The following EXT2 variants were observed in gnomAD, a reference collection of about 807,000 sequenced individuals.
The protein encoded by EXT2 is exostosin-2.
A neutral mutation model predicts 81.6 loss-of-function variants in EXT2; 53 were observed. The observed-to-expected ratio is 0.65, with a 90% CI of 0.52 to 0.82. The LOEUF (loss-of-function observed/expected upper bound fraction) is 0.82, where lower values mean the gene tolerates loss of function less well. EXT2 is among the 40% of genes least tolerant of loss of function. The pLI is 0.00. For synonymous variants in EXT2, 320 were observed against 340.0 expected (o/e 0.94, Z 0.65); for missense variants, 774 against 910.2 (o/e 0.85, Z 1.93).
chr11:44,227,712 C>A (rs1041251849), intron 10 of EXT2, among the ~76,000 whole-genome samples: 4 of 152,146 alleles, frequency 2.6e-5, no homozygotes, highest in Admixed American at 2.0e-4. Flanking sequence ...GGAAAATGGC[C>A]AAGTAAGCAT....
At chr11:44,130,175 TACCGAAATGGTGGCCTTG>T (rs1954472305) in intron 7 of EXT2, 37 bp downstream of exon 7, 3 of 1,542,206 alleles carry the variant, frequency 1.9e-6, no homozygotes, top group Non-Finnish European at 2.7e-6. Flanking sequence ...ACATGGGTGG[TACCGAAATGGTGGCCTTG>T]ACTGGATACA....
chr11:44,192,988 C>T (rs1955412188), intron 8 of EXT2, among the ~76,000 whole-genome samples: 1 of 152,184 alleles, frequency 6.6e-6, no homozygotes, highest in Non-Finnish European at 1.5e-5. Context: ...CTTTAACTTA[C>T]TTCTTTAAAA....
rs193163467 is a variant in EXT2, at chr11:44,178,615, G to A, written c.1305+6873G>A. Among the ~76,000 whole-genome samples, 12 of 152,270 alleles carry A rather than the reference G, an allele frequency of 7.9e-5. No homozygotes were observed. In the East Asian group the frequency reaches 2.3e-3, roughly 29 times the overall value. On this transcript the variant is annotated intron_variant, in intron 8 of 13. Transcript: ENST00000533608. ...ATAAATCACTCTGCAAGCTGAAGAA[G>A]CACTAGCTCGGATGTATGAAGCAGA...
chr11:44,203,595 A>C (rs1247377322), intron 9 of EXT2, among the ~76,000 whole-genome samples: 1 of 152,114 alleles, frequency 6.6e-6, no homozygotes, highest in African/African-American at 2.4e-5. Flanking sequence ...CATCCACATA[A>C]CTTGCTGGGA....
intron 7 of EXT2, among the ~76,000 whole-genome samples, chr11:44,147,255 T>C: frequency 6.6e-6 from 1 of 152,242 alleles, no homozygotes; most frequent in Non-Finnish European, 1.5e-5. Context: ...TTTAAAATTA[T>C]AGAATTGTAG....
chr11:44,206,316 T>A lies in EXT2; in HGVS notation c.1496-477T>A, dbSNP rs943951906. 3.9e-5 allele frequency among the ~76,000 whole-genome samples: 6 copies of A among 152,206 alleles called. No homozygotes were observed. In the South Asian group the frequency reaches 8.3e-4, roughly 21 times the overall value. ...GCTGCAGGCAAGTTTTCAGCTAGGA[T>A]ATACTTATCTGAAAGTATTTTGCAG... On this transcript the variant is annotated intron_variant, in intron 9 of 13. Coordinates refer to ENST00000533608, the MANE Select transcript of EXT2 (RefSeq NM_207122.2).
At chr11:44,238,782 G>A (rs1956000512) in intron 13 of EXT2, among the ~76,000 whole-genome samples, 1 of 152,172 alleles carries the variant, frequency 6.6e-6, no homozygotes, top group Non-Finnish European at 1.5e-5. Context: ...CTCAGCAGTG[G>A]AAACTGAATG....
In EXT2 at chr11:44,244,250, A is replaced by G. The variant is rs769426160; in HGVS notation, c.2120A>G (p.Glu707Gly). ...GTCCTGTACAAAGATGACTTTCCTG[A>G]GAAGCTGAAGAGCTTCCCCAACATT... is the stretch of plus-strand genomic sequence containing the variant. ...DPVLYKDDFP[E>G]KLKSFPNIGS... Residue 707 changes from glutamate to glycine, a missense_variant, in exon 14 of 14, where the codon GAG (glutamate) becomes GGG (glycine). Physicochemically the swap from Glu to Gly is moderately conservative, Grantham distance 98. Transcript: ENST00000533608. 3.7e-6 allele frequency: 6 copies of G among 1,614,096 alleles called. No homozygotes were observed. The highest frequency in any genetic ancestry group is 5.1e-6 in the Non-Finnish European group (6 of 1,179,970).
intron 13 of EXT2, among the ~76,000 whole-genome samples, chr11:44,238,339 C>T (rs1368490789): frequency 6.6e-5 from 10 of 152,064 alleles, no homozygotes; most frequent in East Asian, 3.9e-4. Flanking sequence ...CGTGCCACCA[C>T]GCTAACTAGT....
chr11:44,114,217 G>C lies in EXT2; in HGVS notation c.659G>C (p.Trp220Ser). 6.2e-7 allele frequency: 1 copy of C among 1,614,054 alleles called. No individual in the cohort carries two copies. Among genetic ancestry groups the C allele is most frequent in the Non-Finnish European group, 8.5e-7 (1 of 1,179,984 alleles). Residue 220 changes from tryptophan to serine, a missense_variant, in exon 4 of 14, where the codon TGG becomes TCG. By Grantham distance (177) the Trp-to-Ser change is radical (BLOSUM62 -3). This residue lies in a region of EXT2 where 626 missense variants were observed against 670.5 expected (regional missense o/e 0.93). Transcript: ENST00000533608. ...TTGGCTGGTGGCGGCTTTTCTACGT[G>C]GACTTACCGGCAAGGCTACGATGTC... is the stretch of plus-strand genomic sequence containing the variant. Reference protein sequence around the residue: ...ALLAGGGFSTWTYRQGYDVSI... With the variant: ...ALLAGGGFSTSTYRQGYDVSI...
At chr11:44,107,599 A>G in intron 1 of EXT2, 84 bp from the exon 2 acceptor site, 1 of 1,234,068 alleles carries the variant, frequency 8.1e-7, no homozygotes. Context: ...AAAACAAAAC[A>G]AAAAAAAAGG....
intron 11 of EXT2, among the ~76,000 whole-genome samples, chr11:44,233,395 C>G (rs371102434): frequency 2.0e-5 from 3 of 152,192 alleles, no homozygotes; most frequent in South Asian, 4.2e-4. Flanking sequence ...ACTGAAATTC[C>G]TTTTGTGTAT....
intron 10 of EXT2, among the ~76,000 whole-genome samples, chr11:44,210,454 C>T (rs1034276300): frequency 1.3e-5 from 2 of 152,046 alleles, no homozygotes; most frequent in Non-Finnish European, 2.9e-5. Flanking sequence ...CAAACTAACC[C>T]TAGAGATAGA....
chr11:44,149,589 A>G (rs1245933472), intron 7 of EXT2, among the ~76,000 whole-genome samples: 1 of 152,198 alleles, frequency 6.6e-6, no homozygotes, highest in Admixed American at 6.5e-5. Flanking sequence ...ACATGAGTAC[A>G]CTATTTTGAT....
At chr11:44,162,617 C>G (rs1426327627) in intron 7 of EXT2, among the ~76,000 whole-genome samples, 1 of 149,202 alleles carries the variant, frequency 6.7e-6, no homozygotes, top group Non-Finnish European at 1.5e-5. Flanking sequence ...CTTTGCATAG[C>G]AAAGCAATAG....
At chr11:44,190,507 C>T (rs759156958) in intron 8 of EXT2, among the ~76,000 whole-genome samples, 1 of 152,146 alleles carries the variant, frequency 6.6e-6, no homozygotes, top group Non-Finnish European at 1.5e-5. Flanking sequence ...AGGCAAAATA[C>T]GTTCATTTAA....
intron 7 of EXT2, among the ~76,000 whole-genome samples, chr11:44,145,744 A>C (rs117747427): frequency 0.011 from 1,696 of 152,344 alleles, 17 homozygotes; most frequent in Non-Finnish European, 0.019. Flanking sequence ...ATGACTAAAA[A>C]CTATGAACTT....
At chr11:44,199,450 CCT>C (rs1955496728) in intron 9 of EXT2, among the ~76,000 whole-genome samples, 1 of 152,220 alleles carries the variant, frequency 6.6e-6, no homozygotes, top group South Asian at 2.1e-4. Flanking sequence ...GAAGGCTGGG[CCT>C]CTCATTGGGT....
At chr11:44,161,797 T>G (rs1237381715) in intron 7 of EXT2, among the ~76,000 whole-genome samples, 3 of 152,226 alleles carry the variant, frequency 2.0e-5, no homozygotes, top group Non-Finnish European at 4.4e-5. Flanking sequence ...ATATGTCCCC[T>G]GATGGAGTGT....
Sources: gnomAD v4.1 joint callset for allele counts (sites outside exome capture counted in the v4.1 genomes callset) on GRCh38, gnomAD v4.1.1 for gene constraint, gnomAD v4.1.1 regional missense constraint, MANE v1.5 for transcripts, NCBI Gene and HGNC (gene_info 2026-07-23, HGNC 2026-07-21) for gene names.